CASC3: variants seen among roughly 807,000 people sequenced by gnomAD.
The protein encoded by CASC3 is protein CASC3.
A neutral mutation model predicts 80.5 loss-of-function variants in CASC3; 30 were observed. That is an observed-to-expected ratio of 0.37 (90% CI 0.28 to 0.51). CASC3 has a LOEUF of 0.51. Ranked by LOEUF, CASC3 falls within the 20% of genes least tolerant of loss-of-function variation. The pLI is 0.94. For missense variants in CASC3, 824 were observed against 922.2 expected, an observed-to-expected ratio of 0.89 and a Z score of 1.38; for synonymous variants, 312 against 333.6, an observed-to-expected ratio of 0.94 and a Z score of 0.70.
At position 40,171,102 on chromosome 17, in the gene CASC3, T is replaced by C; in HGVS notation, c.*697T>C. The C allele has an allele frequency of 1.0e-6, 1 of 985,806 alleles. No individual in the cohort carries two copies. Among genetic ancestry groups the C allele is most frequent in the Non-Finnish European group, 1.2e-6 (1 of 829,932 alleles). The allele number at this position is 985,806 out of a possible 1,614,324, so 61.1% of individuals were successfully genotyped here. ...ATGGCTGTCTGCACAGAGGGTCCCA[T>C]TGTGCAGAAAAGCTCAGAGTAGGTG... On this transcript the variant is annotated 3_prime_UTR_variant, in exon 14 of 14. Coordinates refer to ENST00000264645, the MANE Select transcript of CASC3 (RefSeq NM_007359.5).
chr17:40,152,663 C>T (rs1256426414), intron 3 of CASC3, among the ~76,000 whole-genome samples: 1 of 151,802 alleles, frequency 6.6e-6, no homozygotes, highest in African/African-American at 2.4e-5. Context: ...GGCAAAGAAT[C>T]GCTGTATTGC....
At chr17:40,144,882 A>T (rs1311579131) in intron 3 of CASC3, among the ~76,000 whole-genome samples, 2 of 145,226 alleles carry the variant, frequency 1.4e-5, no homozygotes, top group African/African-American at 5.1e-5. Context: ...TTTTATTGAG[A>T]TGGAGTATTG....
chr17:40,164,216 G>A lies in CASC3; in HGVS notation c.1471+50G>A, dbSNP rs1487323128. 4 of 1,408,154 alleles carry A rather than the reference G, an allele frequency of 2.8e-6. No homozygotes were observed. The East Asian group carries it at 7.1e-5, about 25-fold the overall frequency. The allele number at this position is 1,408,154 out of a possible 1,614,324, so 87.2% of individuals were successfully genotyped here. A position where few individuals can be genotyped will look rare whatever the true frequency, so the allele number is the denominator to read the frequency against. On this transcript the variant is annotated intron_variant, in intron 7 of 13. Coordinates refer to ENST00000264645, the MANE Select transcript of CASC3 (RefSeq NM_007359.5). The stretch of plus-strand genomic sequence containing the variant: ...AGCTTTTTCCCCTTTGCATCATCAG[G>A]TTTAGGGGCATGGGACTTCTGTCTC...
intron 3 of CASC3, among the ~76,000 whole-genome samples, chr17:40,152,282 C>T (rs1989030314): frequency 6.6e-6 from 1 of 152,102 alleles, no homozygotes; most frequent in African/African-American, 2.4e-5. Flanking sequence ...GGACTACAGG[C>T]GTGCACTACC....
chr17:40,149,914 A>T (rs1259816532), intron 3 of CASC3, among the ~76,000 whole-genome samples: 1 of 152,176 alleles, frequency 6.6e-6, no homozygotes, highest in African/African-American at 2.4e-5. Context: ...CTCCGTCTCA[A>T]AAAAAAGGGA....
At chr17:40,147,570 C>T (rs1988892216) in intron 3 of CASC3, among the ~76,000 whole-genome samples, 1 of 151,982 alleles carries the variant, frequency 6.6e-6, no homozygotes, top group Non-Finnish European at 1.5e-5. Flanking sequence ...TCATCTAAGC[C>T]CAGGGAGGTC....
At chr17:40,167,476 T>G in intron 8 of CASC3, 22 bp from the exon 9 acceptor site, 1 of 1,568,512 alleles carries the variant, frequency 6.4e-7, no homozygotes. Context: ...TCTTATTGTT[T>G]AGGCCTCTTT....
chr17:40,152,449 G>A (rs893780744), intron 3 of CASC3, among the ~76,000 whole-genome samples: 24 of 151,846 alleles, frequency 1.6e-4, no homozygotes, highest in African/African-American at 5.8e-4. Flanking sequence ...AGCCTCCCAA[G>A]TAGCTGAGAT....
At chr17:40,164,819 G>A (rs1404580359) in intron 7 of CASC3, among the ~76,000 whole-genome samples, 2 of 136,918 alleles carry the variant, frequency 1.5e-5, no homozygotes, top group Non-Finnish European at 3.1e-5. Flanking sequence ...GCAGTGGCAC[G>A]ATCTTGGCTC....
chr17:40,149,566 GA>G (rs560691066), intron 3 of CASC3, among the ~76,000 whole-genome samples: 3 of 152,026 alleles, frequency 2.0e-5, no homozygotes, highest in South Asian at 2.1e-4. Flanking sequence ...AAGAAAGGGG[GA>G]AAAAAGAGAG....
chr17:40,168,479 G>A, intron 11 of CASC3, 62 bp downstream of exon 11: 2 of 1,437,030 alleles, frequency 1.4e-6, no homozygotes, highest in South Asian at 1.2e-5. Flanking sequence ...CAGGAATGTG[G>A]TATGGGGAGA....
intron 3 of CASC3, among the ~76,000 whole-genome samples, 162 bp from the exon 4 acceptor site, chr17:40,161,591 A>G (rs1481291816): frequency 6.6e-6 from 1 of 151,852 alleles, no homozygotes; most frequent in Non-Finnish European, 1.5e-5. Context: ...AGGCAGGAGA[A>G]TTGCTTGACC....
Position 40,164,167 on chromosome 17 carries a change from G to A in CASC3, c.1471+1G>A. On this transcript the variant is annotated splice_donor_variant, in intron 7 of 13. Transcript: ENST00000264645. LOFTEE classifies it high-confidence loss of function. ...TTCCTGCAACCACGGGAACTTCGAG[G>A]TAGGTATCATAGGATTGGTGGCTAG... The A allele has an allele frequency of 6.3e-7, 1 of 1,596,714 alleles. No individual in the cohort carries two copies. Among genetic ancestry groups the A allele is most frequent in the Non-Finnish European group, 8.5e-7 (1 of 1,174,140 alleles).
chr17:40,161,611 A>G (rs1445670358), intron 3 of CASC3, 142 bp from the exon 4 acceptor site: 6 of 706,286 alleles, frequency 8.5e-6, no homozygotes, highest in East Asian at 2.6e-5. Flanking sequence ...CCCTGGAGGC[A>G]GAGGTTACAG....
In CASC3 at chr17:40,161,844, A is replaced by C. The variant is rs1195342754; in HGVS notation, c.389A>C (p.Glu130Ala). 1.2e-6 allele frequency: 2 copies of C among 1,614,192 alleles called. No homozygotes were observed. Among genetic ancestry groups the C allele is most frequent in the South Asian group, 2.2e-5 (2 of 91,048 alleles). Reference protein sequence around the residue: ...NDAVNSSTKEEKGEEKPDTKS... With the variant: ...NDAVNSSTKEAKGEEKPDTKS... ...GCTGTTAATTCTTCAACAAAAGAAG[A>C]GAAGGGAGAAGAAAAGCCTGACACC... Residue 130 changes from glutamate to alanine, a missense_variant, in exon 4 of 14, where the codon GAG (glutamate) becomes GCG (alanine). Glu to Ala is a moderately radical substitution (Grantham distance 107). Transcript: ENST00000264645.
intron 3 of CASC3, among the ~76,000 whole-genome samples, chr17:40,148,700 G>T (rs1358525946): frequency 6.6e-6 from 1 of 152,004 alleles, no homozygotes. Context: ...TTTGACTGTT[G>T]TGCTTTCCCT....
intron 9 of CASC3, 95 bp downstream of exon 9, chr17:40,167,707 T>C (rs1989486967): frequency 1.6e-6 from 2 of 1,225,180 alleles, no homozygotes; most frequent in Non-Finnish European, 1.2e-6. Context: ...TTCTGACCTC[T>C]TATAGTGGTT....
chr17:40,160,334 A>G (rs947104425), intron 3 of CASC3, among the ~76,000 whole-genome samples: 4 of 152,116 alleles, frequency 2.6e-5, no homozygotes, highest in Admixed American at 2.6e-4. Flanking sequence ...CTCTACTAAA[A>G]ATAAAAAAAA....
intron 3 of CASC3, among the ~76,000 whole-genome samples, chr17:40,144,151 C>G (rs1988792753): frequency 6.6e-6 from 1 of 151,666 alleles, no homozygotes; most frequent in East Asian, 2.0e-4. Context: ...CCCAGCGACT[C>G]AGGAGGCTGA....
Sources: gnomAD v4.1 joint callset for allele counts (sites outside exome capture counted in the v4.1 genomes callset) on GRCh38, gnomAD v4.1.1 for gene constraint, MANE v1.5 for transcripts, NCBI Gene and HGNC (gene_info 2026-07-23, HGNC 2026-07-21) for gene names.